Variants in CCSER1 observed in about 807,000 individuals in gnomAD.
CCSER1 encodes coiled-coil serine rich protein 1, also known as serine-rich coiled-coil domain-containing protein 1.
In CCSER1, 41 loss-of-function variants were observed where a neutral mutation model predicts 82.0. The ratio of observed to expected loss-of-function variants is 0.50; its 90% confidence interval spans 0.39 to 0.65. The LOEUF is 0.65. CCSER1 is among the 30% of genes least tolerant of loss of function. CCSER1 has a pLI of 0.00. For synonymous variants in CCSER1, 414 were observed against 383.9 expected (o/e 1.08, Z -0.92); for missense variants, 1,119 against 1,064.2 (o/e 1.05, Z -0.72).
intron 10 of CCSER1, among the ~76,000 whole-genome samples, chr4:91,377,680 G>A (rs538824357): frequency 8.8e-4 from 134 of 152,120 alleles, no homozygotes; most frequent in African/African-American, 3.1e-3. Context: ...TTGCAAGAAT[G>A]TTCTCCCACT....
intron 3 of CCSER1, among the ~76,000 whole-genome samples, chr4:90,346,787 T>G (rs568640488): frequency 3.4e-4 from 51 of 152,234 alleles, no homozygotes; most frequent in African/African-American, 9.1e-4. Flanking sequence ...GACTTGACAA[T>G]GAAATTACAA....
intron 10 of CCSER1, among the ~76,000 whole-genome samples, chr4:91,516,653 C>G (rs1431391960): frequency 6.6e-6 from 1 of 152,130 alleles, no homozygotes; most frequent in Admixed American, 6.6e-5. Flanking sequence ...ATGCTTCCAG[C>G]TTTGTTCTTT....
chr4:91,188,137 G>A (rs1387476243), intron 10 of CCSER1, among the ~76,000 whole-genome samples: 5 of 152,076 alleles, frequency 3.3e-5, no homozygotes, highest in African/African-American at 1.2e-4. Flanking sequence ...TTCTTCATCT[G>A]TAGCTACCAG....
chr4:90,666,051 GC>G (rs1030182569), intron 6 of CCSER1, among the ~76,000 whole-genome samples: 16 of 152,032 alleles, frequency 1.1e-4, no homozygotes, highest in African/African-American at 3.9e-4. Context: ...CTTGTCACAT[GC>G]CCCCCTCAAT....
chr4:90,478,716 G>GTACT (rs1765442167), intron 5 of CCSER1, among the ~76,000 whole-genome samples: 2 of 148,344 alleles, frequency 1.3e-5, no homozygotes, highest in Non-Finnish European at 3.0e-5. Flanking sequence ...AGAATAAATT[G>GTACT]TACTTTCTTT....
intron 7 of CCSER1, among the ~76,000 whole-genome samples, chr4:90,759,497 T>C (rs887829215): frequency 1.3e-5 from 2 of 152,210 alleles, no homozygotes; most frequent in East Asian, 1.9e-4. Context: ...CATTTAATAG[T>C]AAATCTTTGC....
chr4:90,476,586 A>G (rs1006207320), intron 5 of CCSER1, among the ~76,000 whole-genome samples: 3 of 152,308 alleles, frequency 2.0e-5, no homozygotes, highest in Non-Finnish European at 2.9e-5. Flanking sequence ...TTGGAAAGAT[A>G]TGAGCTCATT....
rs1359321575 is a variant in CCSER1, at chr4:90,209,255, TG to T, written c.-42+81425del. On this transcript the variant is annotated intron_variant, in intron 1 of 10. Coordinates refer to ENST00000509176, the MANE Select transcript of CCSER1 (RefSeq NM_001145065.2). ...CAGTAGACACTAAGTGTTCTGGTCA[TG>T]AGAGCCCAAGTGAGGGGCACCCCTA... Among the ~76,000 whole-genome samples, 3 of 152,286 alleles carry T rather than the reference TG, an allele frequency of 2.0e-5. No individual in the cohort carries two copies. The East Asian group carries it at 5.8e-4, about 29-fold the overall frequency.
intron 8 of CCSER1, among the ~76,000 whole-genome samples, chr4:90,874,231 A>G: frequency 6.6e-6 from 1 of 152,192 alleles, no homozygotes; most frequent in Non-Finnish European, 1.5e-5. Context: ...AAAAGTTACA[A>G]AAATATTTTC....
At chr4:90,182,683 T>C (rs563622007) in intron 1 of CCSER1, among the ~76,000 whole-genome samples, 12 of 152,118 alleles carry the variant, frequency 7.9e-5, no homozygotes, top group Non-Finnish European at 1.3e-4. Flanking sequence ...CCCCTCTATT[T>C]TGGAAAGGAA....
At chr4:90,703,461 T>C (rs1365380325) in intron 6 of CCSER1, among the ~76,000 whole-genome samples, 3 of 152,148 alleles carry the variant, frequency 2.0e-5, no homozygotes, top group Non-Finnish European at 4.4e-5. Context: ...TGATTTGGGG[T>C]GGAGAGTTCT....
intron 3 of CCSER1, among the ~76,000 whole-genome samples, chr4:90,315,157 C>G (rs1481557329): frequency 6.6e-6 from 1 of 152,030 alleles, no homozygotes; most frequent in African/African-American, 2.4e-5. Context: ...GCCCTCCGAT[C>G]CGCTTTTAAG....
chr4:91,132,787 A>ATT (rs1728106966), intron 10 of CCSER1, among the ~76,000 whole-genome samples: 1 of 152,238 alleles, frequency 6.6e-6, no homozygotes, highest in Admixed American at 6.5e-5. Flanking sequence ...CTTTCAGTTT[A>ATT]GAAGAAACAA....
At chr4:90,957,248 C>CCA (rs1168545705) in intron 9 of CCSER1, among the ~76,000 whole-genome samples, 2 of 146,244 alleles carry the variant, frequency 1.4e-5, no homozygotes, top group Non-Finnish European at 1.5e-5. Context: ...ATTACAGGCC[C>CCA]CCCCCACCAC....
At chr4:90,493,589 A>G (rs1560608031) in intron 5 of CCSER1, among the ~76,000 whole-genome samples, 1 of 152,236 alleles carries the variant, frequency 6.6e-6, no homozygotes, top group Non-Finnish European at 1.5e-5. Flanking sequence ...ACAAGCCAGA[A>G]GAGAGTGGGA....
At chr4:91,387,938 A>G (rs1184201400) in intron 10 of CCSER1, among the ~76,000 whole-genome samples, 1 of 152,132 alleles carries the variant, frequency 6.6e-6, no homozygotes, top group Non-Finnish European at 1.5e-5. Flanking sequence ...AAATGTAGAA[A>G]AAAAATGTTA....
intron 10 of CCSER1, among the ~76,000 whole-genome samples, chr4:91,529,625 T>G (rs1316613809): frequency 6.6e-6 from 1 of 152,080 alleles, no homozygotes; most frequent in South Asian, 2.1e-4. Context: ...CTTTTTCTTT[T>G]TCCTTTTTAC....
chr4:90,653,689 A>G (rs1426713136), intron 6 of CCSER1, among the ~76,000 whole-genome samples: 1 of 152,086 alleles, frequency 6.6e-6, no homozygotes, highest in Admixed American at 6.6e-5. Context: ...TTGATGCTTC[A>G]TTTTTCACAA....
At chr4:91,509,145 T>C (rs1759691464) in intron 10 of CCSER1, among the ~76,000 whole-genome samples, 1 of 151,858 alleles carries the variant, frequency 6.6e-6, no homozygotes, top group Non-Finnish European at 1.5e-5. Flanking sequence ...TTGGGTTTAG[T>C]TTTATGTTCT....
Sources: gnomAD v4.1 joint callset for allele counts (sites outside exome capture counted in the v4.1 genomes callset) on GRCh38, gnomAD v4.1.1 for gene constraint, MANE v1.5 for transcripts, NCBI Gene and HGNC (gene_info 2026-07-23, HGNC 2026-07-21) for gene names.